The following FREM2 variants were observed in gnomAD, a reference collection of about 807,000 sequenced individuals.
FREM2 encodes FRAS1 related extracellular matrix 2, also known as FRAS1-related extracellular matrix protein 2.
FREM2 carries 119 observed loss-of-function variants against 219.9 expected under a neutral mutation model. The observed-to-expected ratio is 0.54, with a 90% CI of 0.47 to 0.63. FREM2 has a LOEUF of 0.63. Among genes scored for constraint, FREM2 ranks in the 30% least tolerant of loss-of-function variants. The pLI, the probability that FREM2 is intolerant of heterozygous loss-of-function variation, is 0.00. For synonymous variants in FREM2, 1,562 were observed against 1,522.8 expected (o/e 1.03, Z -0.60); for missense variants, 4,030 against 3,993.6 (o/e 1.01, Z -0.25).
At chr13:38,784,365 AG>A in intron 5 of FREM2, among the ~76,000 whole-genome samples, 191 bp from the exon 6 acceptor site, 1 of 152,220 alleles carries the variant, frequency 6.6e-6, no homozygotes. Flanking sequence ...TATTCCTTAT[AG>A]GTGTATAGGT....
chr13:38,867,809 A>G (rs1333494936), intron 16 of FREM2, among the ~76,000 whole-genome samples: 1 of 152,198 alleles, frequency 6.6e-6, no homozygotes, highest in Non-Finnish European at 1.5e-5. Context: ...TGAGATAAGT[A>G]CTATTTTTGT....
rs781263973 is a variant in FREM2, at chr13:38,878,267, A to G, written c.8805A>G (p.Ala2935=). The change falls in exon 22 of 24, where the codon GCA becomes GCG. Residue 2935 remains alanine, a synonymous_variant. Transcript: ENST00000280481. ...TTCCCAAGTATAGTCCAATGAATGC[A>G]GAATATGGCTGCTTAGCCGACTCTC... ...GYVPKYSPMN[A]EYGCLADSPS... The G allele has an allele frequency of 6.8e-6, 11 of 1,613,868 alleles. No homozygotes were observed. Among genetic ancestry groups the G allele is most frequent in the Middle Eastern group, 1.6e-4 (1 of 6,062 alleles).
At chr13:38,856,499 G>T (rs192750525) in intron 12 of FREM2, among the ~76,000 whole-genome samples, 26 of 152,238 alleles carry the variant, frequency 1.7e-4, no homozygotes, top group Non-Finnish European at 1.0e-4. Flanking sequence ...AAGCCACTGA[G>T]CCCCAAACCT....
intron 2 of FREM2, among the ~76,000 whole-genome samples, chr13:38,699,900 C>G (rs547991090): frequency 1.6e-4 from 25 of 152,126 alleles, no homozygotes; most frequent in Non-Finnish European, 2.9e-4. Context: ...TTATTGTCGT[C>G]TAGTCTATAC....
chr13:38,719,252 C>A (rs1871128475), intron 2 of FREM2, among the ~76,000 whole-genome samples: 1 of 152,166 alleles, frequency 6.6e-6, no homozygotes, highest in African/African-American at 2.4e-5. Context: ...TGGAGTTTCG[C>A]TCTTGTTGCC....
rs200375679 is a variant in FREM2 at position 38,689,455 on chromosome 13, G to A, written c.2111G>A (p.Gly704Asp). The A allele has an allele frequency of 8.2e-5, 133 of 1,614,084 alleles. No individual in the cohort carries two copies. The highest frequency in any genetic ancestry group is 7.2e-4 in the African/African-American group (54 of 75,036). ...GTGGATCGCCTCCCTCCGGAGCTGGGCAGTGGCTGTCCCCTTCGTATGGTG... is the reference window on the plus strand; with the variant it reads ...GTGGATCGCCTCCCTCCGGAGCTGGACAGTGGCTGTCCCCTTCGTATGGTG... ...HPVDRLPPEL[G>D]SGCPLRMVVQ... The change falls in exon 1 of 24, where the codon GGC becomes GAC. Residue 704 changes from glycine (G) to aspartate (D), a missense_variant. Physicochemically the swap from Gly to Asp is moderately conservative, Grantham distance 94. Around this residue, in one of 2 missense-constraint regions of FREM2, gnomAD observed 3,102 missense variants for 2,950.7 expected, o/e 1.05. Coordinates refer to ENST00000280481, the MANE Select transcript of FREM2 (RefSeq NM_207361.6).
chr13:38,772,837 C>T (rs947822957), intron 4 of FREM2, among the ~76,000 whole-genome samples: 1 of 151,910 alleles, frequency 6.6e-6, no homozygotes, highest in Non-Finnish European at 1.5e-5. Flanking sequence ...GCCTGGATTA[C>T]GGGCGGTTGC....
chr13:38,785,535 T>C (rs970923420), intron 6 of FREM2, among the ~76,000 whole-genome samples: 7 of 152,212 alleles, frequency 4.6e-5, no homozygotes, highest in Non-Finnish European at 8.8e-5. Context: ...GAAATTTTCC[T>C]CCTGGTAGAT....
intron 6 of FREM2, among the ~76,000 whole-genome samples, chr13:38,837,115 T>C (rs1876743748): frequency 6.6e-6 from 1 of 152,230 alleles, no homozygotes; most frequent in Admixed American, 6.5e-5. Context: ...GCTTTATCTG[T>C]GTCCCATAGA....
At chr13:38,849,915 G>A (rs1593444493) in intron 8 of FREM2, 123 bp from the exon 9 acceptor site, 12 of 803,362 alleles carry the variant, frequency 1.5e-5, no homozygotes, top group Non-Finnish European at 2.5e-5. Context: ...GCAAGTGACT[G>A]AATGGAGACA....
intron 2 of FREM2, 87 bp from the exon 3 acceptor site, chr13:38,764,217 G>C: frequency 1.1e-6 from 1 of 935,548 alleles, no homozygotes; most frequent in Non-Finnish European, 1.8e-6. Context: ...GATTGTTAAT[G>C]TTGTTTCATT....
At chr13:38,878,399 G>T in intron 22 of FREM2, 78 bp downstream of exon 22, 1 of 893,362 alleles carries the variant, frequency 1.1e-6, no homozygotes, top group East Asian at 3.1e-5. Flanking sequence ...TAAAAACAAG[G>T]CTGGGCACAG....
chr13:38,836,149 G>A (rs1876697573), intron 6 of FREM2, among the ~76,000 whole-genome samples: 1 of 152,186 alleles, frequency 6.6e-6, no homozygotes. Context: ...TTTTTAGCAT[G>A]AAGGAGTGTT....
At chr13:38,817,601 C>G (rs112132899) in intron 6 of FREM2, among the ~76,000 whole-genome samples, 4 of 151,990 alleles carry the variant, frequency 2.6e-5, no homozygotes, top group African/African-American at 9.6e-5. Flanking sequence ...AAATCTGAAG[C>G]TAACAGAAGA....
chr13:38,878,251 A>G lies in FREM2; in HGVS notation c.8789A>G (p.Tyr2930Cys), dbSNP rs919405469. 6 of 1,613,788 alleles carry G rather than the reference A, an allele frequency of 3.7e-6. No homozygotes were observed. Among genetic ancestry groups the G allele is most frequent in the Admixed American group, 1.7e-5 (1 of 59,994 alleles). ...CTGADGYVPK[Y>C]SPMNAEYGCL... Reference sequence around the variant, plus strand: ...GGAGCTGATGGCTATGTTCCCAAGTATAGTCCAATGAATGCAGAATATGGC... The same window carrying G: ...GGAGCTGATGGCTATGTTCCCAAGTGTAGTCCAATGAATGCAGAATATGGC... The change falls in exon 22 of 24, where the codon TAT (tyrosine) becomes TGT (cysteine). Residue 2930 changes from tyrosine to cysteine, a missense_variant. Physicochemically the swap from Tyr to Cys is radical, Grantham distance 194. Transcript: ENST00000280481.
At chr13:38,764,506 T>G (rs1265372171) in intron 3 of FREM2, 56 bp downstream of exon 3, 3 of 1,077,620 alleles carry the variant, frequency 2.8e-6, no homozygotes, top group African/African-American at 1.6e-5. Context: ...CAAAGGTTTA[T>G]AATTCTACAG....
chr13:38,860,245 G>T (rs947831104), intron 14 of FREM2, among the ~76,000 whole-genome samples: 17 of 152,008 alleles, frequency 1.1e-4, no homozygotes, highest in Admixed American at 9.2e-4. Context: ...AGAGGGGTAC[G>T]TGCAAATTAA....
At chr13:38,813,405 G>C (rs986383547) in intron 6 of FREM2, among the ~76,000 whole-genome samples, 2 of 145,328 alleles carry the variant, frequency 1.4e-5, no homozygotes, top group African/African-American at 5.1e-5. Context: ...TGTCCTGTAA[G>C]GTTTCCACTG....
chr13:38,714,722 G>T (rs1438324961), intron 2 of FREM2, among the ~76,000 whole-genome samples: 1 of 152,012 alleles, frequency 6.6e-6, no homozygotes, highest in Non-Finnish European at 1.5e-5. Context: ...GTATATATAT[G>T]CACAATATCA....
Sources: allele counts gnomAD v4.1 joint callset (sites outside exome capture counted in the v4.1 genomes callset), GRCh38; gene constraint gnomAD v4.1.1; regional missense constraint gnomAD v4.1.1; transcripts MANE v1.5; gene names NCBI Gene and HGNC (gene_info 2026-07-23, HGNC 2026-07-21).